The following SETX variants were observed in gnomAD, a reference collection of about 807,000 sequenced individuals.
SETX encodes helicase senataxin.
A neutral mutation model predicts 227.2 loss-of-function variants in SETX; 90 were observed. The observed-to-expected ratio is 0.40, with a 90% CI of 0.33 to 0.47. The LOEUF is 0.47. Among genes scored for constraint, SETX ranks in the 20% least tolerant of loss-of-function variants. The probability of loss-of-function intolerance (pLI) is 0.91; values close to 1 mark genes in which losing one functional copy is unlikely to be tolerated. For missense variants in SETX, 3,052 were observed against 3,181.5 expected, an observed-to-expected ratio of 0.96 and a Z score of 0.98; for synonymous variants, 1,210 against 1,113.2, an observed-to-expected ratio of 1.09 and a Z score of -1.73.
At chr9:132,356,038 G>A (rs144198077), upstream of SETX, among the ~76,000 whole-genome samples, 34 of 150,532 alleles carry the variant, frequency 2.3e-4, no homozygotes, top group South Asian at 1.3e-3. Flanking sequence ...CCAGCTTGTT[G>A]GGAGGCTGAG....
At chr9:132,282,875 C>A (rs1017518455) in intron 19 of SETX, 34 of 312,250 alleles carry the variant, frequency 1.1e-4, no homozygotes, top group Middle Eastern at 2.2e-3. Flanking sequence ...ACAGTACGTA[C>A]CCAATAAATG....
At chr9:132,277,267 T>C in intron 21 of SETX, 115 bp from the exon 22 acceptor site, 2 of 812,022 alleles carry the variant, frequency 2.5e-6, no homozygotes, top group Admixed American at 4.1e-5. Context: ...AGTAAGGGGA[T>C]AGCAGGAATA....
rs907569728 is a variant in SETX, at chr9:132,328,222, A to C, written c.3376T>G (p.Tyr1126Asp). 4.3e-6 allele frequency: 7 copies of C among 1,613,978 alleles called. No individual in the cohort carries two copies. Among genetic ancestry groups the C allele is most frequent in the Non-Finnish European group, 5.9e-6 (7 of 1,180,016 alleles). Residue 1126 changes from tyrosine (Y) to aspartate (D), a missense_variant, in exon 10 of 26, where the codon TAT becomes GAT. Physicochemically the swap from Tyr to Asp is radical, Grantham distance 160. This residue lies in a region of SETX where 1,483 missense variants were observed against 1,312.0 expected (regional missense o/e 1.13). Transcript: ENST00000224140. ...NTTNGQGCTDYVSEVVKKGAE... is the reference protein window; with the variant it reads ...NTTNGQGCTDDVSEVVKKGAE... ...CCTTTTTTAACAACTTCAGATACAT[A>C]ATCTGTACAACCCTGACCATTTGTA...
intron 1 of SETX, among the ~76,000 whole-genome samples, 175 bp from the exon 2 acceptor site, chr9:132,353,930 C>A (rs1848739303): frequency 6.6e-6 from 1 of 152,184 alleles, no homozygotes; most frequent in Non-Finnish European, 1.5e-5. Context: ...AATTCTGACT[C>A]CCAGTTCCAC....
rs1847111851 is a variant in SETX at position 132,329,906 on chromosome 9, T to C, written c.1692A>G (p.Leu564=). ...CTAGAGATAAATTTCCTCTAAGGAA[T>C]AAGTTGAGCTTATCCCAGAATCGCT... ...LCKRFWDKLN[L]FLRGNLSLGW... is the part of the protein sequence containing the mutation. The change falls in exon 10 of 26, where the codon TTA becomes TTG. Residue 564 remains leucine, a synonymous_variant. Transcript: ENST00000224140. 3 of 1,614,190 alleles carry C rather than the reference T, an allele frequency of 1.9e-6. No individual in the cohort carries two copies. The highest frequency in any genetic ancestry group is 2.5e-6 in the Non-Finnish European group (3 of 1,180,030).
intron 11 of SETX, among the ~76,000 whole-genome samples, chr9:132,303,038 G>T (rs1411896411): frequency 1.3e-5 from 2 of 152,012 alleles, no homozygotes; most frequent in Non-Finnish European, 2.9e-5. Flanking sequence ...TTTTTTTAGA[G>T]ATTGGGTCTT....
chr9:132,275,743 T>G (rs1843128820), intron 22 of SETX, among the ~76,000 whole-genome samples: 1 of 152,204 alleles, frequency 6.6e-6, no homozygotes, highest in Admixed American at 6.5e-5. Context: ...GAGAGCAGTA[T>G]TAAGAACAGC....
chr9:132,281,726 A>G, intron 19 of SETX, 152 bp from the exon 20 acceptor site: 1 of 695,638 alleles, frequency 1.4e-6, no homozygotes, highest in Non-Finnish European at 2.6e-6. Flanking sequence ...AAACAAAAAA[A>G]CAAAACAAAA....
rs536880099 is a variant in SETX at position 132,345,424 on chromosome 9, C to T, written c.388+837G>A. Reference sequence around the variant, plus strand: ...GAGTAGCTGGGATTACAGGTGCCTGCCACCACACCTGGCTAATTTTTGTAT... The same window carrying T: ...GAGTAGCTGGGATTACAGGTGCCTGTCACCACACCTGGCTAATTTTTGTAT... On this transcript the variant is annotated intron_variant, in intron 4 of 25. Transcript: ENST00000224140. Among the ~76,000 whole-genome samples the T allele has an allele frequency of 3.3e-5, 5 of 152,272 alleles. No homozygotes were observed. The East Asian group carries it at 5.8e-4, about 18-fold the overall frequency.
rs773630853 is a variant in SETX, at chr9:132,336,278, T to G, written c.718+18A>C. 12 of 1,575,780 alleles carry G rather than the reference T, an allele frequency of 7.6e-6. No homozygotes were observed. Among genetic ancestry groups the G allele is most frequent in the South Asian group, 4.4e-5 (4 of 90,198 alleles). ...TATACGAAAATACCAATTATATTAG[T>G]GTAGGAATAATACTCACCTAACCAA... On this transcript the variant is annotated intron_variant, in intron 6 of 25. Transcript: ENST00000224140.
intron 17 of SETX, among the ~76,000 whole-genome samples, chr9:132,287,448 C>T (rs918414017): frequency 6.6e-6 from 1 of 152,172 alleles, no homozygotes; most frequent in Admixed American, 6.5e-5. Flanking sequence ...ACCACAACTG[C>T]ACCACTGCAC....
rs1842476846 is a variant in SETX at position 132,263,165 on chromosome 9, C to A, written c.*1074G>T. Reference sequence around the variant, plus strand: ...ACCACTCTCTTCCCAGTTCTGAACTCCTCTGGTTACGCTTCATTTTAAATC... The same window carrying A: ...ACCACTCTCTTCCCAGTTCTGAACTACTCTGGTTACGCTTCATTTTAAATC... On this transcript the variant is annotated 3_prime_UTR_variant, in exon 26 of 26. Coordinates refer to ENST00000224140, the MANE Select transcript of SETX (RefSeq NM_015046.7). The A allele has an allele frequency of 2.0e-5, 3 of 152,242 alleles. No homozygotes were observed. Among genetic ancestry groups the A allele is most frequent in the Admixed American group, 2.0e-4 (3 of 15,282 alleles). 9.4% of individuals were successfully genotyped at this position (152,242 alleles called of 1,614,324 possible). A position where few individuals can be genotyped will look rare whatever the true frequency, so the allele number is the denominator to read the frequency against.
In SETX at chr9:132,298,258, G is replaced by A. The variant is rs370368422; in HGVS notation, c.5603C>T (p.Pro1868Leu). Residue 1868 changes from proline to leucine, a missense_variant, in exon 13 of 26, where the codon CCG becomes CTG. Transcript: ENST00000224140. ...YLSIQTQENF[P>L]ANLNELVNCI... Reference sequence around the variant, plus strand: ...ATTCACAAGTTCGTTTAAATTGGCCGGAAAGTTCTCTTGAGTCTGGATGGA... The same window carrying A: ...ATTCACAAGTTCGTTTAAATTGGCCAGAAAGTTCTCTTGAGTCTGGATGGA... The A allele has an allele frequency of 3.5e-5, 56 of 1,613,888 alleles. No individual in the cohort carries two copies. Among genetic ancestry groups the A allele is most frequent in the East Asian group, 4.5e-5 (2 of 44,884 alleles).
chr9:132,301,088 CTTTTTTTTTTTT>C lies in SETX; in HGVS notation c.5375-297_5375-286del, dbSNP rs200657740. Reference sequence around the variant, plus strand: ...TTTTCTTTCCTTTAGGTTTATTCTGCTTTTTTTTTTTTTTTTTTTTTTGAGATGGAGTCTCGC... The same window carrying C: ...TTTTCTTTCCTTTAGGTTTATTCTGCTTTTTTTTTTGAGATGGAGTCTCGC... On this transcript the variant is annotated intron_variant, in intron 11 of 25. Coordinates refer to ENST00000224140, the MANE Select transcript of SETX (RefSeq NM_015046.7). 0.29 allele frequency among the ~76,000 whole-genome samples: 36,463 copies of C among 124,024 alleles called. 5,896 individuals carry two copies. Among genetic ancestry groups the C allele is most frequent in the East Asian group, 0.69 (3,350 of 4,858 alleles). The allele number at this position is 124,024 out of a possible 152,430, so 81.4% of individuals were successfully genotyped here. A position where few individuals can be genotyped will look rare whatever the true frequency, so the allele number is the denominator to read the frequency against.
In SETX at chr9:132,346,277, A is replaced by C. The variant is rs1263479038; in HGVS notation, c.372T>G (p.Leu124=). Residue 124 remains leucine (L), a synonymous_variant, in exon 4 of 26, where the codon CTT becomes CTG. Transcript: ENST00000224140. ...LLEILKYPYL[L]LHERVNELCV... is the part of the protein sequence containing the mutation. ...GATACTCACTAACACGTTCATGTAGAAGCAAGTAAGGATATTTCAGTATTT... is the reference window on the plus strand; with the variant it reads ...GATACTCACTAACACGTTCATGTAGCAGCAAGTAAGGATATTTCAGTATTT... 4.3e-6 allele frequency: 7 copies of C among 1,613,442 alleles called. No homozygotes were observed. Among genetic ancestry groups the C allele is most frequent in the Non-Finnish European group, 5.9e-6 (7 of 1,179,538 alleles).
At chr9:132,351,097 T>C (rs1055304529) in intron 2 of SETX, among the ~76,000 whole-genome samples, 2 of 152,214 alleles carry the variant, frequency 1.3e-5, no homozygotes, top group African/African-American at 4.8e-5. Flanking sequence ...GAAGAATTAC[T>C]TATACCTAAG....
upstream of SETX, among the ~76,000 whole-genome samples, chr9:132,355,323 T>G (rs547616182): frequency 1.1e-3 from 171 of 152,146 alleles, no homozygotes; most frequent in African/African-American, 3.9e-3. Context: ...CCTTACCCGC[T>G]GGCCATTTCC....
chr9:132,327,465 G>A lies in SETX; in HGVS notation c.4133C>T (p.Ser1378Leu), dbSNP rs1190000897. ...CESTDVKRAG[S>L]HTAQNSDIFV... is the part of the protein sequence containing the mutation. ...TATGTCAGAATTCTGTGCTGTATGT[G>A]ACCCTGCTCTTTTAACATCTGTACT... The change falls in exon 10 of 26, where the codon TCA (serine) becomes TTA (leucine). Residue 1378 changes from serine (S) to leucine (L), a missense_variant. Transcript: ENST00000224140. 1 of 1,614,116 alleles carries A rather than the reference G, an allele frequency of 6.2e-7. No individual in the cohort carries two copies. The highest frequency in any genetic ancestry group is 1.7e-5 in the Admixed American group (1 of 60,014).
intron 18 of SETX, among the ~76,000 whole-genome samples, chr9:132,285,162 C>A (rs764578432): frequency 6.6e-6 from 1 of 151,908 alleles, no homozygotes. Flanking sequence ...CAGGCGTGAG[C>A]CACCGCGCCT....
Sources: allele counts gnomAD v4.1 joint callset (sites outside exome capture counted in the v4.1 genomes callset), GRCh38; gene constraint gnomAD v4.1.1; regional missense constraint gnomAD v4.1.1; transcripts MANE v1.5; gene names NCBI Gene and HGNC (gene_info 2026-07-23, HGNC 2026-07-21).